The following TMEM132C variants were observed in gnomAD, a reference collection of about 807,000 sequenced individuals.
TMEM132C encodes the protein protein phosphatase 1, regulatory subunit 152.
In TMEM132C, 29 loss-of-function variants were observed where a neutral mutation model predicts 61.4. The ratio of observed to expected loss-of-function variants is 0.47; its 90% CI spans 0.35 to 0.64. The LOEUF (loss-of-function observed/expected upper bound fraction) is 0.64. Ranked by LOEUF, TMEM132C falls within the 30% of genes least tolerant of loss-of-function variation. The probability of loss-of-function intolerance (pLI) is 0.00; values close to 1 mark genes in which losing one functional copy is unlikely to be tolerated. For missense variants in TMEM132C, 1,408 were observed against 1,476.9 expected (o/e 0.95, Z 0.76); for synonymous variants, 656 against 633.1 (o/e 1.04, Z -0.54).
chr12:128,411,377 A>G (rs1868540852), intron 1 of TMEM132C, among the ~76,000 whole-genome samples: 2 of 152,244 alleles, frequency 1.3e-5, no homozygotes. Flanking sequence ...GGATCATATC[A>G]TAAGGAAAAA....
At chr12:128,509,683 G>A (rs1593079416) in intron 2 of TMEM132C, among the ~76,000 whole-genome samples, 1 of 152,080 alleles carries the variant, frequency 6.6e-6, no homozygotes, top group East Asian at 1.9e-4. Context: ...GGGACGGCTG[G>A]AGAACTAGAA....
intron 1 of TMEM132C, among the ~76,000 whole-genome samples, chr12:128,410,737 C>G (rs954732215): frequency 6.6e-6 from 1 of 152,016 alleles, no homozygotes; most frequent in South Asian, 2.1e-4. Context: ...AAGATGTTCT[C>G]TTATATAAGT....
At chr12:128,609,815 T>A (rs1876568878) in intron 3 of TMEM132C, among the ~76,000 whole-genome samples, 1 of 152,190 alleles carries the variant, frequency 6.6e-6, no homozygotes. Context: ...GAATGAGGGA[T>A]CCTTAAGGCA....
At chr12:128,486,238 G>A (rs1480850398) in intron 2 of TMEM132C, among the ~76,000 whole-genome samples, 2 of 152,142 alleles carry the variant, frequency 1.3e-5, no homozygotes, top group East Asian at 1.9e-4. Context: ...TTTGAAGATC[G>A]TTACCATCTT....
intron 2 of TMEM132C, among the ~76,000 whole-genome samples, chr12:128,438,426 C>G (rs1249116030): frequency 1.3e-5 from 2 of 152,172 alleles, no homozygotes; most frequent in African/African-American, 4.8e-5. Context: ...ACCGGCTCCT[C>G]TTCACCTTCC....
In TMEM132C at chr12:128,674,827, C is replaced by T. The variant is rs182452992; in HGVS notation, c.1449+5267C>T. ...TTGTAGTCTTTTATCCCTTGCCTCC[C>T]GCCCCCAAAATTCCCCCCAAGGCCC... On this transcript the variant is annotated intron_variant, in intron 5 of 8. Transcript: ENST00000435159. Among the ~76,000 whole-genome samples the T allele has an allele frequency of 9.2e-5, 14 of 152,042 alleles. 1 individual carries two copies. The highest frequency in any genetic ancestry group is 3.3e-4 in the Admixed American group (5 of 15,266).
At chr12:128,539,867 C>T (rs2136144137) in intron 2 of TMEM132C, among the ~76,000 whole-genome samples, 1 of 152,288 alleles carries the variant, frequency 6.6e-6, no homozygotes, top group East Asian at 1.9e-4. Context: ...TGTCTATTCT[C>T]ATTCATTGTG....
chr12:128,292,487 C>G (rs1456045830), intron 1 of TMEM132C, among the ~76,000 whole-genome samples: 1 of 152,108 alleles, frequency 6.6e-6, no homozygotes, highest in Non-Finnish European at 1.5e-5. Context: ...GATTTTGTCT[C>G]TGTTGCCAGT....
intron 3 of TMEM132C, among the ~76,000 whole-genome samples, chr12:128,588,460 G>A (rs1364291501): frequency 6.6e-6 from 1 of 152,114 alleles, no homozygotes; most frequent in African/African-American, 2.4e-5. Context: ...AAAAAAATCT[G>A]TTTCCAATAT....
At chr12:128,331,412 T>G (rs1002246641) in intron 1 of TMEM132C, among the ~76,000 whole-genome samples, 4 of 152,222 alleles carry the variant, frequency 2.6e-5, no homozygotes, top group African/African-American at 9.6e-5. Flanking sequence ...ATTGTACCCA[T>G]TAACTAATTT....
At chr12:128,620,397 A>G (rs1259276179) in intron 4 of TMEM132C, among the ~76,000 whole-genome samples, 1 of 152,194 alleles carries the variant, frequency 6.6e-6, no homozygotes, top group Non-Finnish European at 1.5e-5. Context: ...GACAGCAAAC[A>G]GGTAGATACT....
At chr12:128,458,907 G>A (rs2136066156) in intron 2 of TMEM132C, among the ~76,000 whole-genome samples, 1 of 152,346 alleles carries the variant, frequency 6.6e-6, no homozygotes, top group South Asian at 2.1e-4. Context: ...CTGCAAGGGA[G>A]GCTGGGGAAT....
chr12:128,497,565 C>T (rs1013880640), intron 2 of TMEM132C, among the ~76,000 whole-genome samples: 4 of 152,198 alleles, frequency 2.6e-5, no homozygotes, highest in Non-Finnish European at 5.9e-5. Flanking sequence ...TGCTGCCTTG[C>T]AGTTAGATCT....
intron 4 of TMEM132C, among the ~76,000 whole-genome samples, chr12:128,653,449 G>A (rs545986345): frequency 9.8e-5 from 15 of 152,314 alleles, no homozygotes; most frequent in African/African-American, 3.6e-4. Flanking sequence ...GAGATATTTA[G>A]TGTATGCATT....
At chr12:128,620,647 G>A (rs1953955917) in intron 4 of TMEM132C, among the ~76,000 whole-genome samples, 1 of 152,298 alleles carries the variant, frequency 6.6e-6, no homozygotes, top group African/African-American at 2.4e-5. Context: ...CCCCGGGACT[G>A]ATATATTTAG....
At chr12:128,581,414 G>A (rs1051527702) in intron 3 of TMEM132C, among the ~76,000 whole-genome samples, 1 of 152,128 alleles carries the variant, frequency 6.6e-6, no homozygotes. Context: ...GGAGGGGAGG[G>A]GAAACACCCT....
intron 1 of TMEM132C, among the ~76,000 whole-genome samples, chr12:128,341,982 A>C (rs1242635378): frequency 6.6e-6 from 1 of 150,408 alleles, no homozygotes; most frequent in African/African-American, 2.4e-5. Flanking sequence ...TCCACCTTCC[A>C]GGCTAAAAGT....
intron 6 of TMEM132C, among the ~76,000 whole-genome samples, chr12:128,695,238 G>A (rs1954750315): frequency 6.6e-6 from 1 of 152,076 alleles, no homozygotes; most frequent in Non-Finnish European, 1.5e-5. Context: ...TTAACATTAG[G>A]GCTGGGTGTG....
rs77162459 is a variant in TMEM132C at position 128,579,555 on chromosome 12, A to G, written c.1121+35452A>G. On this transcript the variant is annotated intron_variant, in intron 3 of 8. Transcript: ENST00000435159. ...TCTTTGTTGGAGCATCCCAATGCAC[A>G]TTACATAGTAGGAAAGGCACTGATA... Among the ~76,000 whole-genome samples, 1,393 of 152,310 alleles carry G rather than the reference A, an allele frequency of 9.1e-3. 7 individuals carry two copies. The highest frequency in any genetic ancestry group is 0.015 in the Non-Finnish European group (1,047 of 68,030).
Sources: allele counts gnomAD v4.1 joint callset (sites outside exome capture counted in the v4.1 genomes callset), GRCh38; gene constraint gnomAD v4.1.1; transcripts MANE v1.5; gene names NCBI Gene and HGNC (gene_info 2026-07-23, HGNC 2026-07-21).